CARD9: variants seen among roughly 807,000 people sequenced by gnomAD.
CARD9 encodes the protein caspase recruitment domain family member 9.
Under a neutral mutation model 66.0 loss-of-function variants are expected in CARD9, and 53 were observed. The ratio of observed to expected loss-of-function variants is 0.80; its 90% confidence interval spans 0.64 to 1.01. The LOEUF (loss-of-function observed/expected upper bound fraction) is 1.01. Ranked by LOEUF, CARD9 falls within the 50% of genes least tolerant of loss-of-function variation. The pLI is 0.00. For missense variants in CARD9, 769 were observed against 743.2 expected (o/e 1.03, Z -0.40); for synonymous variants, 387 against 313.8 (o/e 1.23, Z -2.47).
intron 8 of CARD9, 34 bp from the exon 9 acceptor site, chr9:136,367,291 G>A (rs757652852): frequency 8.1e-6 from 13 of 1,606,544 alleles, no homozygotes; most frequent in Admixed American, 1.7e-5. Context: ...GGTGGGCTGT[G>A]AGGGCAGAGG....
At chr9:136,366,774 T>A in intron 10 of CARD9, 26 bp downstream of exon 10, 2 of 1,612,668 alleles carry the variant, frequency 1.2e-6, no homozygotes, top group Non-Finnish European at 1.7e-6. Context: ...GGGAGGCCTC[T>A]GGGTGTACTG....
intron 7 of CARD9, among the ~76,000 whole-genome samples, chr9:136,368,943 C>T (rs1000307276): frequency 5.9e-5 from 9 of 152,324 alleles, no homozygotes; most frequent in Admixed American, 5.9e-4. Context: ...CCTCAGCCTC[C>T]TGAGTAGCTG....
chr9:136,365,616 C>G (rs2131433794), intron 10 of CARD9: 1 of 239,462 alleles, frequency 4.2e-6, no homozygotes, highest in South Asian at 5.7e-5. Flanking sequence ...GCTACAGTGG[C>G]TGTCTGGGTC....
At chr9:136,372,353 C>T (rs1319056968) in intron 1 of CARD9, among the ~76,000 whole-genome samples, 2 of 152,334 alleles carry the variant, frequency 1.3e-5, no homozygotes, top group East Asian at 3.9e-4. Flanking sequence ...AGCCCTTGCT[C>T]CTGCCCGTTG....
At chr9:136,366,899 C>T (rs1833137236) in intron 9 of CARD9, 54 bp from the exon 10 acceptor site, 26 of 1,593,830 alleles carry the variant, frequency 1.6e-5, no homozygotes, top group African/African-American at 4.0e-5. Flanking sequence ...GGACTGGACC[C>T]GGCCACACTG....
In CARD9 at chr9:136,364,387, C is replaced by T. The variant is rs766920744; in HGVS notation, c.1526G>A (p.Arg509Lys). Residue 509 changes from arginine (R) to lysine (K), a missense_variant, in exon 13 of 13, where the codon AGG (arginine) becomes AAG (lysine). Physicochemically the swap from Arg to Lys is conservative, Grantham distance 26. Coordinates refer to ENST00000371732, the MANE Select transcript of CARD9 (RefSeq NM_052813.5). ...CTGCCGCCATCCTTTCTGCATCTTC[C>T]TGAGGGCGCGCTTCCTGTGAAGACA... ...FENYRRKRALRKMQKGWRQGE... is the reference protein window; with the variant it reads ...FENYRRKRALKKMQKGWRQGE... 18 of 1,559,066 alleles carry T rather than the reference C, an allele frequency of 1.2e-5. No individual in the cohort carries two copies. The highest frequency in any genetic ancestry group is 3.3e-4 in the Middle Eastern group (2 of 6,000).
intron 11 of CARD9, 91 bp downstream of exon 11, chr9:136,365,050 C>T (rs1833087064): frequency 1.5e-6 from 2 of 1,316,482 alleles, no homozygotes. Flanking sequence ...GGGGCCACCG[C>T]AGGGGGTGCC....
chr9:136,367,620 G>C lies in CARD9; in HGVS notation c.1269+17C>G, dbSNP rs371771167. ...CCACGCGCCGGCTCCCCTCCCTGCC[G>C]CAGGCCCCAGGCCCACCAGGACGAG... is the stretch of plus-strand genomic sequence containing the variant. On this transcript the variant is annotated intron_variant, in intron 8 of 12. Transcript: ENST00000371732. 1.9e-6 allele frequency: 3 copies of C among 1,561,448 alleles called. No homozygotes were observed. The African/African-American group carries it at 4.0e-5, about 21-fold the overall frequency.
Position 136,364,335 on chromosome 9 carries a change from C to G in CARD9, c.1578G>C (p.Thr526=), listed in dbSNP as rs765707859. Residue 526 remains threonine, a synonymous_variant, in exon 13 of 13, where the codon ACG becomes ACC. Coordinates refer to ENST00000371732, the MANE Select transcript of CARD9 (RefSeq NM_052813.5). ...RQGEEDRENT[T]GSDNTDTEGS ...CCTCAGTGTCGGTGTTGTCGCTGCCCGTGGTGTTCTCCCGGTCCTCCTCCC... is the reference window on the plus strand; with the variant it reads ...CCTCAGTGTCGGTGTTGTCGCTGCCGGTGGTGTTCTCCCGGTCCTCCTCCC... 1 of 1,567,020 alleles carries G rather than the reference C, an allele frequency of 6.4e-7. No individual in the cohort carries two copies. The highest frequency in any genetic ancestry group is 8.6e-7 in the Non-Finnish European group (1 of 1,156,962).
chr9:136,364,208 C>A lies in CARD9; in HGVS notation c.*94G>T. On this transcript the variant is annotated 3_prime_UTR_variant, in exon 13 of 13. Coordinates refer to ENST00000371732, the MANE Select transcript of CARD9 (RefSeq NM_052813.5). Reference sequence around the variant, plus strand: ...TCGTTCCAGGCCAAGTCAGCGACGGCTCGGGGAAGTCTGCGCCCCAGGGCG... The same window carrying A: ...TCGTTCCAGGCCAAGTCAGCGACGGATCGGGGAAGTCTGCGCCCCAGGGCG... 1 of 1,550,528 alleles carries A rather than the reference C, an allele frequency of 6.4e-7. No individual in the cohort carries two copies. Among genetic ancestry groups the A allele is most frequent in the Non-Finnish European group, 8.7e-7 (1 of 1,146,776 alleles).
intron 7 of CARD9, among the ~76,000 whole-genome samples, chr9:136,368,672 G>A (rs1479061956): frequency 2.0e-5 from 3 of 152,224 alleles, no homozygotes; most frequent in African/African-American, 2.4e-5. Flanking sequence ...GCCCCGCGAC[G>A]CTCCATCCGG....
At chr9:136,367,402 C>G in intron 8 of CARD9, 145 bp from the exon 9 acceptor site, 1 of 1,043,782 alleles carries the variant, frequency 9.6e-7, no homozygotes, top group Non-Finnish European at 1.4e-6. Context: ...CCAGAACAAC[C>G]TGCTAGGCTG....
In CARD9 at chr9:136,366,865, T is replaced by G. The variant is rs779431468; in HGVS notation, c.1312-20A>C. ...TGAGAGCTTCCAAAGAGAGTCAAGA[T>G]GTCCCATTAGGCCACTTCGCCAAGG... On this transcript the variant is annotated intron_variant, in intron 9 of 12. Transcript: ENST00000371732. 1.9e-6 allele frequency: 3 copies of G among 1,612,862 alleles called. No individual in the cohort carries two copies. The highest frequency in any genetic ancestry group is 2.5e-6 in the Non-Finnish European group (3 of 1,179,866).
intron 11 of CARD9, 33 bp from the exon 12 acceptor site, chr9:136,364,592 G>A (rs913122225): frequency 1.0e-4 from 156 of 1,530,490 alleles, no homozygotes; most frequent in Non-Finnish European, 1.3e-4. Context: ...GCTCCGGCCG[G>A]CTCCCCTGAG....
Position 136,365,180 on chromosome 9 carries a change from A to G in CARD9, c.1395T>C (p.Phe465=), listed in dbSNP as rs776273002. 1.9e-5 allele frequency: 30 copies of G among 1,611,380 alleles called. No homozygotes were observed. The South Asian group carries it at 2.1e-4, about 11-fold the overall frequency. The change falls in exon 11 of 13, where the codon TTT becomes TTC. Residue 465 remains phenylalanine (F), a synonymous_variant. Coordinates refer to ENST00000371732, the MANE Select transcript of CARD9 (RefSeq NM_052813.5). ...AAACCTGCTCCTGGTGCAGAGCTGC[A>G]AAGGGCTGTTTCGGGCTCCCCCCGC... ...LAGGGSPKQP[F]AALHQEQVLR...
chr9:136,373,458 T>C, intron 1 of CARD9, 74 bp downstream of exon 1: 1 of 978,462 alleles, frequency 1.0e-6, no homozygotes, highest in South Asian at 4.7e-5. Context: ...CTCTGGGGGA[T>C]CAGTGCCAGG....
At position 136,369,622 on chromosome 9, in the gene CARD9, T is replaced by A. The variant is rs1038644554; in HGVS notation, c.1077+128A>T. 3.3e-6 allele frequency: 5 copies of A among 1,506,310 alleles called. No individual in the cohort carries two copies. The African/African-American group carries it at 5.5e-5, about 17-fold the overall frequency. 93.3% of individuals were successfully genotyped at this position (1,506,310 alleles called of 1,614,324 possible). Reference sequence around the variant, plus strand: ...TAGTTTGAGGCCACCCTGGGTGACATAGCAAGACCCCATCTCAAAAACAAA... The same window carrying A: ...TAGTTTGAGGCCACCCTGGGTGACAAAGCAAGACCCCATCTCAAAAACAAA... On this transcript the variant is annotated intron_variant, in intron 7 of 12. Coordinates refer to ENST00000371732, the MANE Select transcript of CARD9 (RefSeq NM_052813.5).
In CARD9 at chr9:136,370,867, T is replaced by C; in HGVS notation, c.601A>G (p.Met201Val). 1 of 1,601,226 alleles carries C rather than the reference T, an allele frequency of 6.2e-7. No individual in the cohort carries two copies. Among genetic ancestry groups the C allele is most frequent in the Non-Finnish European group, 8.5e-7 (1 of 1,171,638 alleles). The change falls in exon 4 of 13, where the codon ATG becomes GTG. Residue 201 changes from methionine to valine, a missense_variant. By Grantham distance (21) the Met-to-Val change is conservative. Coordinates refer to ENST00000371732, the MANE Select transcript of CARD9 (RefSeq NM_052813.5). The stretch of plus-strand genomic sequence containing the variant: ...TCCAGCTGCAGGTCACGGTTCCGCA[T>C]GAGCGCGGCGCCCTTCTCCTCACTC... ...HQSEEKGAALMRNRDLQLEID... is the reference protein window; with the variant it reads ...HQSEEKGAALVRNRDLQLEID...
Position 136,371,118 on chromosome 9 carries a change from T to G in CARD9, c.350A>C (p.Gln117Pro). The change falls in exon 4 of 13, where the codon CAG becomes CCG. Residue 117 changes from glutamine to proline, a missense_variant. Coordinates refer to ENST00000371732, the MANE Select transcript of CARD9 (RefSeq NM_052813.5). The part of the protein sequence containing the change: ...IDASGESGLT[Q>P]LLMTEVMKLQ... ...CTTCATGACCTCAGTCATCAGCAGC[T>G]GAGTCAGGCCTGACTCCCCGGACGC... The G allele has an allele frequency of 6.2e-7, 1 of 1,612,590 alleles. No homozygotes were observed. Among genetic ancestry groups the G allele is most frequent in the East Asian group, 2.2e-5 (1 of 44,876 alleles).
Sources: allele counts gnomAD v4.1 joint callset (sites outside exome capture counted in the v4.1 genomes callset), GRCh38; gene constraint gnomAD v4.1.1; transcripts MANE v1.5; gene names NCBI Gene and HGNC (gene_info 2026-07-23, HGNC 2026-07-21).